The following QTGAL variants were observed in gnomAD, a reference collection of about 807,000 sequenced individuals.
QTGAL encodes BGnT-like protein 1.
chr17:83,034,815 C>T, the QTGAL span, among the ~76,000 whole-genome samples: 2 of 152,168 alleles, frequency 1.3e-5, no homozygotes, highest in Non-Finnish European at 2.9e-5. Flanking sequence ...GAGACCTGCC[C>T]GGACACATGG....
chr17:83,024,532 T>C, the QTGAL span, among the ~76,000 whole-genome samples: 1 of 152,212 alleles, frequency 6.6e-6, no homozygotes, highest in African/African-American at 2.4e-5. Context: ...TGTTGAGGGA[T>C]AAACATCTGT....
the QTGAL span, among the ~76,000 whole-genome samples, chr17:82,946,560 C>A: frequency 4.7e-5 from 3 of 63,270 alleles, no homozygotes; most frequent in African/African-American, 1.2e-4. Flanking sequence ...TGGACAGTTA[C>A]AGAACCCAAG....
At chr17:82,950,310 G>T in the QTGAL span, among the ~76,000 whole-genome samples, 3 of 150,458 alleles carry the variant, frequency 2.0e-5, no homozygotes, top group Non-Finnish European at 4.5e-5. Context: ...CCCCAAGATA[G>T]TAGTGACACC....
chr17:82,980,595 CACTT>C, the QTGAL span, among the ~76,000 whole-genome samples: 13 of 152,330 alleles, frequency 8.5e-5, no homozygotes, highest in Middle Eastern at 0.014. Context: ...TTCAGGGAAA[CACTT>C]ACTTACACCT....
chr17:82,997,178 C>T, the QTGAL span, among the ~76,000 whole-genome samples: 25 of 148,536 alleles, frequency 1.7e-4, no homozygotes, highest in Non-Finnish European at 7.4e-5. Context: ...AGAACATATA[C>T]AGAGCTCAAA....
At chr17:83,009,447 C>G in the QTGAL span, among the ~76,000 whole-genome samples, 2 of 151,770 alleles carry the variant, frequency 1.3e-5, no homozygotes, top group Non-Finnish European at 2.9e-5. Flanking sequence ...AACTCAGATT[C>G]ATGAGGTAAG....
chr17:83,012,560 G>A, the QTGAL span, among the ~76,000 whole-genome samples: 1 of 152,188 alleles, frequency 6.6e-6, no homozygotes, highest in African/African-American at 2.4e-5. Flanking sequence ...CCAGCTCACG[G>A]GCCGGCACAG....
chr17:83,038,096 G>C, the QTGAL span, among the ~76,000 whole-genome samples: 2 of 152,140 alleles, frequency 1.3e-5, no homozygotes, highest in Non-Finnish European at 2.9e-5. Context: ...CGTAATAAGT[G>C]AATCAGCCCA....
the QTGAL span, among the ~76,000 whole-genome samples, chr17:83,040,831 C>T: frequency 0.015 from 2,238 of 152,066 alleles, 59 homozygotes; most frequent in African/African-American, 0.048. Flanking sequence ...TTTGGGAGGC[C>T]GAGGCAGGCG....
the QTGAL span, chr17:82,956,681 G>T: frequency 3.8e-6 from 6 of 1,559,414 alleles, no homozygotes; most frequent in Admixed American, 3.8e-5. The surrounding 1 kb of genome is among the most constrained non-coding windows in gnomAD (Gnocchi z 5.7). Context: ...CACGGCCAAG[G>T]GCCCCACACT....
chr17:82,958,106 T>C, the QTGAL span, among the ~76,000 whole-genome samples: 2 of 151,582 alleles, frequency 1.3e-5, no homozygotes, highest in African/African-American at 4.8e-5. Context: ...CCTCCCCACG[T>C]GCCCCATCGC....
chr17:82,946,744 G>T, the QTGAL span: 2 of 707,058 alleles, frequency 2.8e-6, no homozygotes, highest in Non-Finnish European at 4.5e-6. Context: ...CATTACAGAA[G>T]AAAGGCTGGA....
the QTGAL span, among the ~76,000 whole-genome samples, chr17:82,954,147 A>C: frequency 6.6e-6 from 1 of 152,214 alleles, no homozygotes; most frequent in Non-Finnish European, 1.5e-5. Context: ...TGGCCAGGGC[A>C]ATCAGGCAAG....
At chr17:83,010,041 G>A in the QTGAL span, among the ~76,000 whole-genome samples, 1 of 118,814 alleles carries the variant, frequency 8.4e-6, no homozygotes, top group Non-Finnish European at 1.8e-5. Context: ...GGGGCTGCCC[G>A]GCGGGGGGCT....
chr17:82,982,658 T>C, the QTGAL span, among the ~76,000 whole-genome samples: 1 of 152,168 alleles, frequency 6.6e-6, no homozygotes, highest in Non-Finnish European at 1.5e-5. Context: ...CAGATGTTTG[T>C]AGTTTATAAG....
chr17:83,036,542 A>G, the QTGAL span, among the ~76,000 whole-genome samples: 1 of 152,226 alleles, frequency 6.6e-6, no homozygotes, highest in African/African-American at 2.4e-5. Context: ...CTCTGTCTTC[A>G]AAGACATCAC....
the QTGAL span, among the ~76,000 whole-genome samples, chr17:82,970,439 T>C: frequency 6.6e-6 from 1 of 152,052 alleles, no homozygotes; most frequent in African/African-American, 2.4e-5. Flanking sequence ...TCTGGCAGGT[T>C]GACTCTGCAG....
the QTGAL span, among the ~76,000 whole-genome samples, chr17:83,026,128 T>A: frequency 3.3e-5 from 5 of 152,150 alleles, no homozygotes; most frequent in Non-Finnish European, 5.9e-5. Context: ...GACCAGGAAG[T>A]GCAAATCCAG....
chr17:83,012,497 G>A, the QTGAL span, among the ~76,000 whole-genome samples: 4 of 152,220 alleles, frequency 2.6e-5, no homozygotes, highest in Non-Finnish European at 4.4e-5. Context: ...TTCTAGCTGT[G>A]TAAAAATCGC....
Sources: allele counts gnomAD v4.1 joint callset (sites outside exome capture counted in the v4.1 genomes callset), GRCh38; gene constraint gnomAD v4.1.1; non-coding constraint Gnocchi (gnomAD v3.1); transcripts MANE v1.5; gene names NCBI Gene and HGNC (gene_info 2026-07-23, HGNC 2026-07-21).